The following BICRAL variants were observed in gnomAD, a reference collection of about 807,000 sequenced individuals.
BICRAL encodes BRD4-interacting chromatin-remodeling complex-associated protein-like.
In BICRAL, 8 loss-of-function variants were observed where a neutral mutation model predicts 91.8. The observed-to-expected ratio is 0.09, with a 90% CI of 0.05 to 0.16. The LOEUF is 0.16. Among genes scored for constraint, BICRAL ranks in the 10% least tolerant of loss-of-function variants. BICRAL has a pLI of 1.00. For missense variants in BICRAL, 1,038 were observed against 1,310.9 expected (o/e 0.79, Z 3.21); for synonymous variants, 445 against 491.1 (o/e 0.91, Z 1.24).
intron 6 of BICRAL, among the ~76,000 whole-genome samples, chr6:42,844,044 C>T (rs1236874172): frequency 2.3e-4 from 34 of 148,492 alleles, no homozygotes; most frequent in Middle Eastern, 3.5e-3. Flanking sequence ...CCTTGTGATC[C>T]GCCCGCCTCG....
chr6:42,772,256 A>G (rs73428430), intron 1 of BICRAL, among the ~76,000 whole-genome samples: 42,676 of 151,970 alleles, frequency 0.28, 6,496 homozygotes, highest in South Asian at 0.46. Context: ...TTTCAATTAT[A>G]TATCTACTGA....
chr6:42,823,938 T>C (rs1251988038), intron 5 of BICRAL, among the ~76,000 whole-genome samples: 1 of 148,504 alleles, frequency 6.7e-6, no homozygotes, highest in Non-Finnish European at 1.5e-5. Context: ...AATAAATAAA[T>C]AAATAAATAA....
At chr6:42,817,691 C>G (rs547079783) in intron 2 of BICRAL, among the ~76,000 whole-genome samples, 31 of 152,094 alleles carry the variant, frequency 2.0e-4, no homozygotes, top group Non-Finnish European at 3.8e-4. Context: ...CATTGCCAAG[C>G]AGGTTCAAGA....
chr6:42,806,845 T>G (rs1257677107), intron 1 of BICRAL, among the ~76,000 whole-genome samples: 2 of 151,954 alleles, frequency 1.3e-5, no homozygotes, highest in Non-Finnish European at 2.9e-5. Context: ...TTGTTTGTTT[T>G]TTGAGACAGA....
chr6:42,824,830 A>G (rs1377255480), intron 5 of BICRAL, among the ~76,000 whole-genome samples: 1 of 152,224 alleles, frequency 6.6e-6, no homozygotes, highest in East Asian at 1.9e-4. Flanking sequence ...AGCTTAACAT[A>G]TATTAACCTC....
chr6:42,773,246 T>G (rs1334612768), intron 1 of BICRAL, among the ~76,000 whole-genome samples: 3 of 151,842 alleles, frequency 2.0e-5, no homozygotes, highest in Non-Finnish European at 4.4e-5. Context: ...GCCCAGCTAA[T>G]TTTTGTATTT....
chr6:42,784,549 C>A (rs1395295322), intron 1 of BICRAL, among the ~76,000 whole-genome samples: 1 of 152,120 alleles, frequency 6.6e-6, no homozygotes, highest in Non-Finnish European at 1.5e-5. Context: ...GTGCCTGATG[C>A]TTTGTATAAT....
Position 42,759,062 on chromosome 6 carries a change from T to C in BICRAL, c.-261+12039T>C, listed in dbSNP as rs142575536. Among the ~76,000 whole-genome samples the C allele has an allele frequency of 2.9e-3, 439 of 152,302 alleles. 4 individuals carry two copies. Among genetic ancestry groups the C allele is most frequent in the African/African-American group, 0.01 (417 of 41,564 alleles). ...AGCATCCTAATGCCCCTTGAATAAA[T>C]CTGAATCTCTGGGAGTGGGGCCTTG... On this transcript the variant is annotated intron_variant, in intron 1 of 14. Transcript: ENST00000614467.
chr6:42,773,672 G>A (rs1045760093), intron 1 of BICRAL, among the ~76,000 whole-genome samples: 3 of 151,990 alleles, frequency 2.0e-5, no homozygotes, highest in Admixed American at 6.6e-5. Flanking sequence ...CCACCGCCAC[G>A]CCCAGCTAAT....
intron 10 of BICRAL, 121 bp from the exon 11 acceptor site, chr6:42,860,141 A>G (rs879877677): frequency 1.1e-5 from 7 of 634,680 alleles, no homozygotes; most frequent in Non-Finnish European, 2.0e-5. Context: ...AGAAGAGAAA[A>G]TTGCCCCAGA....
At position 42,823,125 on chromosome 6, in the gene BICRAL, A is replaced by T. The variant is rs544921217; in HGVS notation, c.159+122A>T. On this transcript the variant is annotated intron_variant, in intron 5 of 12. Transcript: ENST00000314073. The stretch of plus-strand genomic sequence containing the variant: ...TTACCTTGTCTGTTGTAATTAATTT[A>T]ATTTTATTTATTTATTTTGAGATGG... The T allele has an allele frequency of 4.9e-6, 3 of 613,962 alleles. No individual in the cohort carries two copies. The Admixed American group carries it at 9.0e-5, about 18-fold the overall frequency. The allele number at this position is 613,962 out of a possible 1,614,324, so 38.0% of individuals were successfully genotyped here.
intron 10 of BICRAL, among the ~76,000 whole-genome samples, chr6:42,858,930 G>T (rs980313312): frequency 1.3e-5 from 2 of 152,044 alleles, no homozygotes; most frequent in African/African-American, 4.8e-5. Flanking sequence ...CACCGCTAAG[G>T]CCTGGCTGTA....
intron 1 of BICRAL, among the ~76,000 whole-genome samples, chr6:42,794,060 A>T (rs1392905692): frequency 2.0e-5 from 3 of 151,800 alleles, no homozygotes; most frequent in Non-Finnish European, 4.4e-5. Flanking sequence ...AAAAGAAAAA[A>T]TTTGAGACAG....
chr6:42,767,588 G>C (rs1234603496), intron 1 of BICRAL, among the ~76,000 whole-genome samples: 1 of 152,206 alleles, frequency 6.6e-6, no homozygotes, highest in East Asian at 1.9e-4. Context: ...ATATGGTAAA[G>C]ACGCAAGAAA....
At chr6:42,767,913 G>A (rs769287436) in intron 1 of BICRAL, among the ~76,000 whole-genome samples, 1 of 152,196 alleles carries the variant, frequency 6.6e-6, no homozygotes, top group South Asian at 2.1e-4. Context: ...GAATAACACC[G>A]CATGGCAAGA....
chr6:42,836,077 C>T (rs771619740), intron 6 of BICRAL, among the ~76,000 whole-genome samples: 5 of 152,160 alleles, frequency 3.3e-5, no homozygotes, highest in Admixed American at 6.6e-5. Context: ...CTTTGTATTC[C>T]CCCAGAGCTA....
chr6:42,785,624 A>G (rs951065990), intron 1 of BICRAL, among the ~76,000 whole-genome samples: 3 of 152,118 alleles, frequency 2.0e-5, no homozygotes. Flanking sequence ...GGTAGAAAAG[A>G]CCCTGATATA....
At chr6:42,791,738 A>G (rs575768254) in intron 1 of BICRAL, among the ~76,000 whole-genome samples, 1 of 152,262 alleles carries the variant, frequency 6.6e-6, no homozygotes, top group African/African-American at 2.4e-5. Flanking sequence ...TGCTAGGACT[A>G]TAGGTGTGAA....
chr6:42,751,336 C>T (rs552895753), intron 1 of BICRAL, among the ~76,000 whole-genome samples: 1 of 152,188 alleles, frequency 6.6e-6, no homozygotes, highest in South Asian at 2.1e-4. Flanking sequence ...TTTGTTGAAG[C>T]AGCTTGGTCA....
Sources: gnomAD v4.1 joint callset for allele counts (sites outside exome capture counted in the v4.1 genomes callset) on GRCh38, gnomAD v4.1.1 for gene constraint, MANE v1.5 for transcripts, NCBI Gene and HGNC (gene_info 2026-07-23, HGNC 2026-07-21) for gene names.